ADAMTSL1: variants seen among roughly 807,000 people sequenced by gnomAD.
ADAMTSL1 encodes the protein ADAMTS-like protein 1.
Under a neutral mutation model 201.8 loss-of-function variants are expected in ADAMTSL1, and 126 were observed. The observed-to-expected ratio is 0.62, with a 90% CI of 0.54 to 0.72. The LOEUF (loss-of-function observed/expected upper bound fraction) is 0.72. Among genes scored for constraint, ADAMTSL1 ranks in the 30% least tolerant of loss-of-function variants. The pLI is 0.00. For synonymous variants in ADAMTSL1, 1,121 were observed against 903.4 expected (o/e 1.24, Z -4.32); for missense variants, 2,679 against 2,277.8 (o/e 1.18, Z -3.59).
chr9:18,584,550 T>C (rs1306241199), intron 4 of ADAMTSL1, among the ~76,000 whole-genome samples: 3 of 152,208 alleles, frequency 2.0e-5, no homozygotes, highest in African/African-American at 7.2e-5. Context: ...ACAGGACTCA[T>C]CTTTCTTCCA....
At chr9:18,161,871 C>A (rs764449820) in intron 1 of ADAMTSL1, among the ~76,000 whole-genome samples, 16 of 151,950 alleles carry the variant, frequency 1.1e-4, no homozygotes, top group Admixed American at 2.6e-4. Context: ...TCAGTTTTTG[C>A]AAGTTATACC....
chr9:17,971,557 C>A (rs1379959613), intron 1 of ADAMTSL1, among the ~76,000 whole-genome samples: 1 of 151,884 alleles, frequency 6.6e-6, no homozygotes, highest in Non-Finnish European at 1.5e-5. Flanking sequence ...CACAAAATAC[C>A]TGTACTATTA....
At chr9:18,210,278 T>A (rs1587317939) in intron 2 of ADAMTSL1, among the ~76,000 whole-genome samples, 1 of 151,138 alleles carries the variant, frequency 6.6e-6, no homozygotes, top group South Asian at 2.1e-4. Flanking sequence ...ATTAATACTT[T>A]AATTAAAATT....
At chr9:18,149,585 G>C (rs952311202) in intron 1 of ADAMTSL1, among the ~76,000 whole-genome samples, 7 of 152,000 alleles carry the variant, frequency 4.6e-5, no homozygotes, top group African/African-American at 1.7e-4. Flanking sequence ...CAGACCTCCT[G>C]AGTGAGAACT....
At chr9:18,564,805 A>T (rs992035765) in intron 3 of ADAMTSL1, among the ~76,000 whole-genome samples, 29 of 152,322 alleles carry the variant, frequency 1.9e-4, no homozygotes, top group African/African-American at 6.7e-4. Context: ...AGATACTGCT[A>T]AATTGGAGTG....
chr9:18,045,738 T>C (rs1485122632), intron 1 of ADAMTSL1, among the ~76,000 whole-genome samples: 1 of 152,138 alleles, frequency 6.6e-6, no homozygotes, highest in Non-Finnish European at 1.5e-5. Flanking sequence ...AAAAAAAGCC[T>C]TGAGTTGTTT....
chr9:18,722,437 A>C (rs1443333462), intron 15 of ADAMTSL1, among the ~76,000 whole-genome samples: 2 of 152,200 alleles, frequency 1.3e-5, no homozygotes, highest in African/African-American at 4.8e-5. Context: ...CCTAGATAAA[A>C]GGGGGAATGC....
Position 18,638,401 on chromosome 9 carries a change from A to G in ADAMTSL1, c.677-853A>G, listed in dbSNP as rs182572524. ...CCAAACGTTCTTGTCAAGTTTTGGA[A>G]CCCATTAGCCTTAGTCCATCCATCT... On this transcript the variant is annotated intron_variant, in intron 6 of 28. Coordinates refer to ENST00000380548, the MANE Select transcript of ADAMTSL1 (RefSeq NM_001040272.6). Among the ~76,000 whole-genome samples, 144 of 152,156 alleles carry G rather than the reference A, an allele frequency of 9.5e-4. 1 individual carries two copies. Among genetic ancestry groups the G allele is most frequent in the African/African-American group, 3.3e-3 (139 of 41,546 alleles).
intron 2 of ADAMTSL1, among the ~76,000 whole-genome samples, chr9:18,290,776 TG>T (rs1233692727): frequency 0.096 from 7,136 of 74,404 alleles, 311 homozygotes; most frequent in Non-Finnish European, 0.12. Flanking sequence ...TGGCTTTTTT[TG>T]TGTGTTTTTT....
intron 1 of ADAMTSL1, among the ~76,000 whole-genome samples, chr9:18,158,869 A>G (rs926451942): frequency 5.3e-5 from 8 of 151,926 alleles, no homozygotes; most frequent in African/African-American, 1.9e-4. Flanking sequence ...GGTAGTAATG[A>G]TATGGGTGGC....
intron 1 of ADAMTSL1, among the ~76,000 whole-genome samples, chr9:18,105,525 A>G (rs1188810397): frequency 1.3e-5 from 2 of 152,132 alleles, no homozygotes; most frequent in African/African-American, 2.4e-5. Context: ...CCATCTTCTT[A>G]ATTTCTGGAG....
At chr9:18,117,376 C>T (rs1825299397) in intron 1 of ADAMTSL1, among the ~76,000 whole-genome samples, 1 of 152,100 alleles carries the variant, frequency 6.6e-6, no homozygotes, top group Non-Finnish European at 1.5e-5. Context: ...TTCTCTGGTC[C>T]AGCCACACTG....
chr9:18,281,156 A>G (rs887774958), intron 2 of ADAMTSL1, among the ~76,000 whole-genome samples: 69 of 152,230 alleles, frequency 4.5e-4, no homozygotes, highest in African/African-American at 1.6e-3. Flanking sequence ...TATCCCATGT[A>G]AATGGCAATG....
At chr9:18,462,659 C>T (rs1276111570) in intron 2 of ADAMTSL1, among the ~76,000 whole-genome samples, 2 of 151,940 alleles carry the variant, frequency 1.3e-5, no homozygotes, top group Non-Finnish European at 1.5e-5. Flanking sequence ...GAAAAAGGGG[C>T]CGGGCATGGT....
chr9:18,588,904 C>CATATATATATATATATACATATAT (rs1280236981), intron 4 of ADAMTSL1, among the ~76,000 whole-genome samples: 127 of 124,608 alleles, frequency 1.0e-3, no homozygotes, highest in Non-Finnish European at 1.5e-3. Context: ...TATATATATA[C>CATATATATATATATATACATATAT]ATATATATAC....
intron 16 of ADAMTSL1, among the ~76,000 whole-genome samples, chr9:18,755,025 G>A (rs2133621208): frequency 6.6e-6 from 1 of 152,200 alleles, no homozygotes; most frequent in South Asian, 2.1e-4. Flanking sequence ...GCAAATTTAG[G>A]GTTGGCTATC....
At chr9:18,636,377 CA>C (rs1827114961) in intron 6 of ADAMTSL1, among the ~76,000 whole-genome samples, 1 of 151,982 alleles carries the variant, frequency 6.6e-6, no homozygotes, top group Non-Finnish European at 1.5e-5. Context: ...TCTTCTAACC[CA>C]CTTCTCTTTT....
chr9:18,541,542 G>A (rs571398278), intron 3 of ADAMTSL1, among the ~76,000 whole-genome samples: 129 of 151,978 alleles, frequency 8.5e-4, no homozygotes, highest in African/African-American at 2.9e-3. Context: ...ATGGGTGGGA[G>A]GAGTGTGGAG....
intron 18 of ADAMTSL1, 27 bp downstream of exon 18, chr9:18,775,923 G>T: frequency 6.4e-7 from 1 of 1,572,724 alleles, no homozygotes; most frequent in East Asian, 2.3e-5. Context: ...TCTGGGAATG[G>T]GGAGATGAAA....
Sources: gnomAD v4.1 joint callset for allele counts (sites outside exome capture counted in the v4.1 genomes callset) on GRCh38, gnomAD v4.1.1 for gene constraint, MANE v1.5 for transcripts, NCBI Gene and HGNC (gene_info 2026-07-23, HGNC 2026-07-21) for gene names.